ZBBX: variants seen among roughly 807,000 people sequenced by gnomAD.
ZBBX encodes the protein zinc finger B-box domain containing.
ZBBX carries 101 observed loss-of-function variants against 108.5 expected under a neutral mutation model. The observed-to-expected ratio is 0.93, with a 90% CI of 0.79 to 1.10. The LOEUF is 1.10. Ranked by LOEUF, ZBBX falls within the 50% of genes least tolerant of loss-of-function variation. The pLI, the probability that ZBBX is intolerant of heterozygous loss-of-function variation, is 0.00. For missense variants in ZBBX, 1,009 were observed against 941.4 expected (o/e 1.07, Z -0.94); for synonymous variants, 356 against 323.4 (o/e 1.10, Z -1.08).
chr3:167,311,406 C>T (rs1734569373), intron 16 of ZBBX, among the ~76,000 whole-genome samples: 1 of 151,922 alleles, frequency 6.6e-6, no homozygotes, highest in Non-Finnish European at 1.5e-5. Context: ...CAATAACTTT[C>T]TAGATACAAC....
the ZBBX span, among the ~76,000 whole-genome samples, chr3:167,197,335 G>A: frequency 2.0e-5 from 3 of 152,110 alleles, no homozygotes; most frequent in African/African-American, 4.8e-5. Context: ...TCAGAAGATC[G>A]AGACCATCCT....
chr3:167,390,863 T>C (rs774403037), intron 1 of ZBBX, among the ~76,000 whole-genome samples: 2 of 152,168 alleles, frequency 1.3e-5, no homozygotes, highest in Non-Finnish European at 2.9e-5. Context: ...TGAAGTTGCT[T>C]ATCAGCTTAA....
the ZBBX span, among the ~76,000 whole-genome samples, chr3:167,200,722 T>A: frequency 0.035 from 5,351 of 152,268 alleles, 137 homozygotes; most frequent in Non-Finnish European, 0.055. Context: ...GTAAATACGC[T>A]CTGTTTCCTC....
chr3:167,288,778 T>C (rs1730159089), intron 19 of ZBBX, 89 bp downstream of exon 19: 1 of 631,876 alleles, frequency 1.6e-6, no homozygotes, highest in Non-Finnish European at 2.5e-6. Context: ...AAAAACTAAA[T>C]TGCAGGTGCC....
At chr3:167,228,248 A>C in the ZBBX span, among the ~76,000 whole-genome samples, 11 of 151,916 alleles carry the variant, frequency 7.2e-5, no homozygotes, top group South Asian at 2.1e-3. Flanking sequence ...AAAGAGTTAA[A>C]GTGTTTCTTA....
At chr3:167,376,814 G>T (rs1480686950) in intron 2 of ZBBX, among the ~76,000 whole-genome samples, 1 of 152,154 alleles carries the variant, frequency 6.6e-6, no homozygotes, top group East Asian at 1.9e-4. Flanking sequence ...AGAAAAAGGG[G>T]AGATTATAAT....
At chr3:167,312,079 T>C (rs1734689615) in intron 16 of ZBBX, among the ~76,000 whole-genome samples, 2 of 152,288 alleles carry the variant, frequency 1.3e-5, no homozygotes, top group South Asian at 2.1e-4. Flanking sequence ...TGTACATTCA[T>C]ACAATTGAAT....
In ZBBX at chr3:167,375,204, C is replaced by T. The variant is rs76115144; in HGVS notation, c.-131-1417G>A. Among the ~76,000 whole-genome samples, 228 of 152,308 alleles carry T rather than the reference C, an allele frequency of 1.5e-3. 2 individuals are homozygous for T. In the East Asian group the frequency reaches 0.038, roughly 25 times the overall value. On this transcript the variant is annotated intron_variant, in intron 2 of 21. Coordinates refer to ENST00000675490, the MANE Select transcript of ZBBX (RefSeq NM_001199201.2). ...CTACACAACCAAATAAGTGGTTCTT[C>T]ATCGTTGTTCCTTTGGGAGACTATC...
At chr3:167,320,589 T>G (rs767789175) in intron 12 of ZBBX, among the ~76,000 whole-genome samples, 4 of 152,046 alleles carry the variant, frequency 2.6e-5, no homozygotes, top group Non-Finnish European at 5.9e-5. Flanking sequence ...AAAACAGAGT[T>G]GATGTATCAT....
intron 20 of ZBBX, among the ~76,000 whole-genome samples, chr3:167,272,542 C>A (rs1435399891): frequency 2.0e-5 from 3 of 152,162 alleles, no homozygotes; most frequent in Non-Finnish European, 4.4e-5. Flanking sequence ...GGCCATTATT[C>A]CAGGGGAAAA....
At chr3:167,302,258 T>C (rs1008399086) in intron 17 of ZBBX, among the ~76,000 whole-genome samples, 15 of 152,146 alleles carry the variant, frequency 9.9e-5, no homozygotes, top group Admixed American at 4.6e-4. Flanking sequence ...TCTTTACTAA[T>C]AGAAAATCTT....
chr3:167,380,513 A>G (rs1175144794), upstream of ZBBX: 1 of 152,214 alleles, frequency 6.6e-6, no homozygotes, highest in Non-Finnish European at 1.5e-5. Flanking sequence ...TGTATGTGCT[A>G]AACCTGAGCA....
At chr3:167,210,785 A>G in the ZBBX span, among the ~76,000 whole-genome samples, 57 of 152,310 alleles carry the variant, frequency 3.7e-4, no homozygotes, top group African/African-American at 1.3e-3. Flanking sequence ...AACTAAACCT[A>G]GAAAAGGCTG....
At chr3:167,256,211 A>G (rs1463820986) in intron 20 of ZBBX, among the ~76,000 whole-genome samples, 1 of 152,140 alleles carries the variant, frequency 6.6e-6, no homozygotes, top group Non-Finnish European at 1.5e-5. Flanking sequence ...TCATCTGTTA[A>G]TGAATACTTA....
At chr3:167,339,208 A>T (rs1242159858) in intron 9 of ZBBX, among the ~76,000 whole-genome samples, 1 of 152,110 alleles carries the variant, frequency 6.6e-6, no homozygotes, top group Non-Finnish European at 1.5e-5. Context: ...TCTTAACAAC[A>T]TATGAAAACC....
downstream of ZBBX, among the ~76,000 whole-genome samples, chr3:167,238,530 TAC>T (rs899421748): frequency 6.6e-6 from 1 of 152,080 alleles, no homozygotes; most frequent in African/African-American, 2.4e-5. Flanking sequence ...GTGAATTTAG[TAC>T]AGTTTATTAA....
intron 20 of ZBBX, among the ~76,000 whole-genome samples, chr3:167,274,573 C>T (rs778957373): frequency 6.6e-6 from 1 of 152,154 alleles, no homozygotes; most frequent in Non-Finnish European, 1.5e-5. Context: ...TGTTAACTTC[C>T]TTACCCTTTG....
Position 167,350,459 on chromosome 3 carries a change from C to T in ZBBX, c.489G>A (p.Gln163=), listed in dbSNP as rs1321303762. Residue 163 remains glutamine (Q), a synonymous_variant, in exon 9 of 22, where the codon CAG becomes CAA. Transcript: ENST00000675490. ...TTCTGTGGAGCTTTAGTGCCCCTTT[C>T]TGGTGAACTTTAGCAAAGCATCCTG... The part of the protein sequence containing the change: ...YCSGCFAKVH[Q]KGALKLHRTT... 1.3e-6 allele frequency: 2 copies of T among 1,597,846 alleles called. No homozygotes were observed. Among genetic ancestry groups the T allele is most frequent in the Admixed American group, 1.7e-5 (1 of 59,560 alleles).
At chr3:167,179,651 G>T in the ZBBX span, among the ~76,000 whole-genome samples, 1 of 152,176 alleles carries the variant, frequency 6.6e-6, no homozygotes, top group Non-Finnish European at 1.5e-5. Flanking sequence ...ATCAAAAGCA[G>T]TCAATACCTC....
Sources: allele counts gnomAD v4.1 joint callset (sites outside exome capture counted in the v4.1 genomes callset), GRCh38; gene constraint gnomAD v4.1.1; transcripts MANE v1.5; gene names NCBI Gene and HGNC (gene_info 2026-07-23, HGNC 2026-07-21).